Variants in SLC24A2 observed in about 807,000 individuals in gnomAD.
SLC24A2 encodes the protein solute carrier family 24 member 2.
Under a neutral mutation model 62.0 loss-of-function variants are expected in SLC24A2, and 36 were observed. That is an observed-to-expected ratio of 0.58 (90% confidence interval 0.44 to 0.77). SLC24A2 has a LOEUF of 0.77. Among genes scored for constraint, SLC24A2 ranks in the 30% least tolerant of loss-of-function variants. The pLI, the probability that SLC24A2 is intolerant of heterozygous loss-of-function variation, is 0.00. For synonymous variants in SLC24A2, 358 were observed against 294.0 expected (o/e 1.22, Z -2.23); for missense variants, 846 against 817.9 (o/e 1.03, Z -0.42).
the SLC24A2 span, among the ~76,000 whole-genome samples, chr9:20,181,332 T>G: frequency 3.9e-5 from 6 of 152,146 alleles, no homozygotes; most frequent in Non-Finnish European, 5.9e-5. Flanking sequence ...CCACCAGCAC[T>G]GTCATCCTGC....
chr9:19,907,424 G>A, the SLC24A2 span, among the ~76,000 whole-genome samples: 1 of 152,138 alleles, frequency 6.6e-6, no homozygotes, highest in Non-Finnish European at 1.5e-5. Flanking sequence ...CACAAGACAG[G>A]GATGCCCTCT....
the SLC24A2 span, among the ~76,000 whole-genome samples, chr9:19,940,504 G>A: frequency 6.6e-6 from 1 of 152,046 alleles, no homozygotes; most frequent in Non-Finnish European, 1.5e-5. Flanking sequence ...TTAGGGGTTG[G>A]ACTACATGAG....
chr9:19,956,913 G>A, the SLC24A2 span, among the ~76,000 whole-genome samples: 1 of 152,142 alleles, frequency 6.6e-6, no homozygotes, highest in Non-Finnish European at 1.5e-5. Context: ...AAAGATAGCT[G>A]TCTATACACC....
the SLC24A2 span, among the ~76,000 whole-genome samples, chr9:19,996,206 A>G: frequency 6.6e-6 from 1 of 152,310 alleles, no homozygotes; most frequent in East Asian, 1.9e-4. Context: ...TCTTTGCATC[A>G]AAGGGTTTGA....
chr9:19,522,730 T>C (rs1203543222), intron 9 of SLC24A2, among the ~76,000 whole-genome samples: 1 of 152,164 alleles, frequency 6.6e-6, no homozygotes, highest in African/African-American at 2.4e-5. Flanking sequence ...GCCTGATACA[T>C]GGCAGGCTCT....
chr9:20,220,756 A>G, the SLC24A2 span, among the ~76,000 whole-genome samples: 1 of 152,154 alleles, frequency 6.6e-6, no homozygotes, highest in Admixed American at 6.6e-5. Context: ...GAATGCTAAG[A>G]TCCAGGATGG....
At chr9:19,831,721 G>T in the SLC24A2 span, among the ~76,000 whole-genome samples, 1 of 152,122 alleles carries the variant, frequency 6.6e-6, no homozygotes, top group Non-Finnish European at 1.5e-5. Flanking sequence ...TTCTGGTAGT[G>T]AGAAAAAAAT....
At chr9:19,533,727 C>T (rs909655626) in intron 8 of SLC24A2, among the ~76,000 whole-genome samples, 4 of 152,178 alleles carry the variant, frequency 2.6e-5, no homozygotes, top group African/African-American at 7.2e-5. Context: ...ACCCAAATTG[C>T]CAATTCACAG....
the SLC24A2 span, among the ~76,000 whole-genome samples, chr9:19,872,886 G>C: frequency 2.0e-5 from 3 of 152,068 alleles, no homozygotes; most frequent in African/African-American, 7.2e-5. Context: ...CCAGAGCCCC[G>C]GTAATAAAGT....
the SLC24A2 span, among the ~76,000 whole-genome samples, chr9:20,184,875 G>C: frequency 6.6e-6 from 1 of 152,018 alleles, no homozygotes; most frequent in African/African-American, 2.4e-5. Flanking sequence ...CAGATGAATG[G>C]ATTAAAAAAA....
At chr9:19,609,885 A>T (rs1837098586) in intron 4 of SLC24A2, among the ~76,000 whole-genome samples, 1 of 152,118 alleles carries the variant, frequency 6.6e-6, no homozygotes, top group Non-Finnish European at 1.5e-5. Flanking sequence ...CCTCACATGC[A>T]CAGTTCACCA....
At chr9:20,034,534 A>G in the SLC24A2 span, among the ~76,000 whole-genome samples, 1 of 130,158 alleles carries the variant, frequency 7.7e-6, no homozygotes, top group African/African-American at 3.0e-5. Context: ...ATCTCTGCTC[A>G]CTGCAAGCTC....
intron 2 of SLC24A2, among the ~76,000 whole-genome samples, chr9:19,781,985 G>T (rs903756375): frequency 6.6e-6 from 1 of 152,178 alleles, no homozygotes; most frequent in African/African-American, 2.4e-5. Flanking sequence ...ACCCTTTACA[G>T]CTTTTCAGAA....
the SLC24A2 span, among the ~76,000 whole-genome samples, chr9:20,098,242 T>C: frequency 6.6e-6 from 1 of 152,194 alleles, no homozygotes; most frequent in East Asian, 1.9e-4. Flanking sequence ...TTCATAAATA[T>C]TCATTGATAT....
At chr9:20,307,393 T>C in the SLC24A2 span, among the ~76,000 whole-genome samples, 1 of 152,242 alleles carries the variant, frequency 6.6e-6, no homozygotes, top group Non-Finnish European at 1.5e-5. Flanking sequence ...TATTCCCTAA[T>C]GCTGCGACTT....
At chr9:19,939,125 A>AGT in the SLC24A2 span, among the ~76,000 whole-genome samples, 2 of 152,226 alleles carry the variant, frequency 1.3e-5, no homozygotes, top group Non-Finnish European at 2.9e-5. Flanking sequence ...TCTGGATTCT[A>AGT]GTGTACATAA....
the SLC24A2 span, among the ~76,000 whole-genome samples, chr9:20,092,593 G>T: frequency 6.6e-6 from 1 of 152,118 alleles, no homozygotes; most frequent in African/African-American, 2.4e-5. Flanking sequence ...TTCTTATTCT[G>T]ATTAAAAATA....
chr9:19,844,528 A>G, the SLC24A2 span, among the ~76,000 whole-genome samples: 1 of 151,946 alleles, frequency 6.6e-6, no homozygotes, highest in Non-Finnish European at 1.5e-5. Flanking sequence ...ATTAGGTTCC[A>G]TTTGTCAATT....
At chr9:19,892,292 C>G in the SLC24A2 span, among the ~76,000 whole-genome samples, 1 of 152,190 alleles carries the variant, frequency 6.6e-6, no homozygotes, top group African/African-American at 2.4e-5. Context: ...CATCCCAAGG[C>G]AGTTCCTATC....
Sources: gnomAD v4.1 joint callset for allele counts (sites outside exome capture counted in the v4.1 genomes callset) on GRCh38, gnomAD v4.1.1 for gene constraint, MANE v1.5 for transcripts, NCBI Gene and HGNC (gene_info 2026-07-23, HGNC 2026-07-21) for gene names.